EFNA5: variants seen among roughly 807,000 people sequenced by gnomAD.
EFNA5 encodes the protein ephrin A5, also known as ephrin-A5.
A neutral mutation model predicts 22.9 loss-of-function variants in EFNA5; 5 were observed. The observed-to-expected ratio is 0.22, with a 90% CI of 0.11 to 0.46. The LOEUF (loss-of-function observed/expected upper bound fraction) is 0.46, where lower values mean the gene tolerates loss of function less well. Ranked by LOEUF, EFNA5 falls within the 20% of genes least tolerant of loss-of-function variation. The pLI is 0.99. For missense variants in EFNA5, 237 were observed against 293.3 expected, an observed-to-expected ratio of 0.81 and a Z score of 1.40; for synonymous variants, 113 against 112.2, an observed-to-expected ratio of 1.01 and a Z score of -0.04.
At chr5:107,547,836 G>A (rs1197972209) in intron 1 of EFNA5, among the ~76,000 whole-genome samples, 2 of 152,084 alleles carry the variant, frequency 1.3e-5, no homozygotes, top group African/African-American at 4.8e-5. Flanking sequence ...TGGTAAAATA[G>A]CTTAACTAAA....
intron 1 of EFNA5, among the ~76,000 whole-genome samples, chr5:107,478,404 G>A (rs887211568): frequency 3.9e-5 from 6 of 152,276 alleles, no homozygotes; most frequent in South Asian, 2.1e-4. Flanking sequence ...CCCCTACTCC[G>A]GTTAACCTAT....
chr5:107,452,446 G>T (rs898528109), intron 1 of EFNA5, among the ~76,000 whole-genome samples: 1 of 152,084 alleles, frequency 6.6e-6, no homozygotes, highest in Non-Finnish European at 1.5e-5. Context: ...TTTATAGGCT[G>T]GGCACAATGG....
At chr5:107,561,708 A>G (rs1361335458) in intron 1 of EFNA5, among the ~76,000 whole-genome samples, 6 of 152,164 alleles carry the variant, frequency 3.9e-5, no homozygotes, top group Non-Finnish European at 8.8e-5. Flanking sequence ...CAACTATATG[A>G]ATAACCAGGT....
chr5:107,599,489 G>T (rs1339055012), intron 1 of EFNA5, among the ~76,000 whole-genome samples: 1 of 152,176 alleles, frequency 6.6e-6, no homozygotes, highest in African/African-American at 2.4e-5. Context: ...GTGGGGAATA[G>T]GGTAATGGAG....
At chr5:107,625,147 T>C (rs1282986889) in intron 1 of EFNA5, among the ~76,000 whole-genome samples, 1 of 152,160 alleles carries the variant, frequency 6.6e-6, no homozygotes, top group Non-Finnish European at 1.5e-5. Flanking sequence ...ATTTTTGAAA[T>C]ACTATGCAGA....
chr5:107,414,186 G>T (rs1230486455), intron 2 of EFNA5, among the ~76,000 whole-genome samples: 4 of 152,146 alleles, frequency 2.6e-5, no homozygotes, highest in Non-Finnish European at 5.9e-5. Context: ...ATGGAAGTGG[G>T]TTCCAAGAAT....
intron 2 of EFNA5, among the ~76,000 whole-genome samples, chr5:107,408,390 G>A (rs1748275680): frequency 6.6e-6 from 1 of 152,090 alleles, no homozygotes; most frequent in Non-Finnish European, 1.5e-5. Context: ...AAAAGTATAT[G>A]TAAACTGAAT....
intron 1 of EFNA5, among the ~76,000 whole-genome samples, chr5:107,595,536 T>C (rs1749455712): frequency 6.6e-6 from 1 of 152,200 alleles, no homozygotes; most frequent in Non-Finnish European, 1.5e-5. Flanking sequence ...AAGCAATAAC[T>C]CATTTTTGGG....
chr5:107,494,063 T>A (rs1359286655), intron 1 of EFNA5, among the ~76,000 whole-genome samples: 2 of 152,212 alleles, frequency 1.3e-5, no homozygotes, highest in Non-Finnish European at 2.9e-5. Flanking sequence ...TTTTTTATGA[T>A]GTTGAGAGAT....
chr5:107,385,129 C>T (rs1484311215), intron 4 of EFNA5, among the ~76,000 whole-genome samples: 1 of 152,036 alleles, frequency 6.6e-6, no homozygotes, highest in African/African-American at 2.4e-5. Flanking sequence ...AAACTTCCAG[C>T]AGTTATATGT....
intron 1 of EFNA5, among the ~76,000 whole-genome samples, chr5:107,528,722 C>A (rs954869967): frequency 2.0e-5 from 3 of 152,120 alleles, no homozygotes; most frequent in African/African-American, 7.2e-5. Context: ...TCAGTGATAT[C>A]ATTATGGTCA....
chr5:107,493,915 T>C (rs1017300149), intron 1 of EFNA5, among the ~76,000 whole-genome samples: 2 of 152,204 alleles, frequency 1.3e-5, no homozygotes, highest in African/African-American at 4.8e-5. Flanking sequence ...AAGTGTACAC[T>C]GCTTGTTAGT....
At position 107,448,425 on chromosome 5, in the gene EFNA5, C is replaced by T. The variant is rs561863014; in HGVS notation, c.126-20916G>A. On this transcript the variant is annotated intron_variant, in intron 1 of 4. Transcript: ENST00000333274. Reference sequence around the variant, plus strand: ...ACACATAAAGGCTTCACTTCAGCTTCTTATGACTGCATAGACATGACAAGA... The same window carrying T: ...ACACATAAAGGCTTCACTTCAGCTTTTTATGACTGCATAGACATGACAAGA... 9.8e-5 allele frequency among the ~76,000 whole-genome samples: 15 copies of T among 152,294 alleles called. 1 individual carries two copies. The South Asian group carries it at 2.5e-3, about 25-fold the overall frequency.
chr5:107,517,723 G>A (rs183464107), intron 1 of EFNA5, among the ~76,000 whole-genome samples: 1 of 152,294 alleles, frequency 6.6e-6, no homozygotes, highest in Admixed American at 6.5e-5. Flanking sequence ...CAATGTATGT[G>A]ATAATGTGTG....
At chr5:107,427,973 T>C (rs1286800515) in intron 1 of EFNA5, among the ~76,000 whole-genome samples, 1 of 152,230 alleles carries the variant, frequency 6.6e-6, no homozygotes, top group African/African-American at 2.4e-5. Context: ...TTTTTTGTTA[T>C]AGTTGAGGCC....
At chr5:107,460,843 A>G (rs1749818731) in intron 1 of EFNA5, among the ~76,000 whole-genome samples, 1 of 152,194 alleles carries the variant, frequency 6.6e-6, no homozygotes, top group East Asian at 1.9e-4. Context: ...TGCCTATGTC[A>G]TTAAAACAAG....
rs185598187 is a variant in EFNA5, at chr5:107,583,525, A to T, written c.125+86964T>A. Among the ~76,000 whole-genome samples, 546 of 152,294 alleles carry T rather than the reference A, an allele frequency of 3.6e-3. 4 individuals are homozygous for T. The highest frequency in any genetic ancestry group is 0.013 in the African/African-American group (534 of 41,564). On this transcript the variant is annotated intron_variant, in intron 1 of 4. Transcript: ENST00000333274. Reference sequence around the variant, plus strand: ...TTTCCAGACATCTTCCCAATGAATGAGTTTTTACAGAAATGCTTCTTGCTT... The same window carrying T: ...TTTCCAGACATCTTCCCAATGAATGTGTTTTTACAGAAATGCTTCTTGCTT...
chr5:107,665,148 G>C (rs767255185), intron 1 of EFNA5, among the ~76,000 whole-genome samples: 2 of 151,980 alleles, frequency 1.3e-5, no homozygotes, highest in Non-Finnish European at 2.9e-5. Flanking sequence ...CTTATCCCAA[G>C]CTAGCAAAGG....
intron 1 of EFNA5, among the ~76,000 whole-genome samples, chr5:107,517,428 C>T (rs188701161): frequency 9.9e-4 from 151 of 152,294 alleles, no homozygotes; most frequent in African/African-American, 3.4e-3. Context: ...ACAAATCACT[C>T]GGTGCTTCTT....
Sources: gnomAD v4.1 joint callset for allele counts (sites outside exome capture counted in the v4.1 genomes callset) on GRCh38, gnomAD v4.1.1 for gene constraint, MANE v1.5 for transcripts, NCBI Gene and HGNC (gene_info 2026-07-23, HGNC 2026-07-21) for gene names.